USP34: variants seen among roughly 807,000 people sequenced by gnomAD.
USP34 encodes the protein ubiquitin specific peptidase 34, also known as ubiquitin carboxyl-terminal hydrolase 34.
In USP34, 70 loss-of-function variants were observed where a neutral mutation model predicts 460.3. That is an observed-to-expected ratio of 0.15 (90% CI 0.13 to 0.19). The LOEUF (loss-of-function observed/expected upper bound fraction) is 0.19. USP34 is among the 10% of genes least tolerant of loss of function. The pLI, the probability that USP34 is intolerant of heterozygous loss-of-function variation, is 1.00. For synonymous variants in USP34, 1,647 were observed against 1,405.3 expected, an observed-to-expected ratio of 1.17 and a Z score of -3.85; for missense variants, 3,985 against 4,236.2, an observed-to-expected ratio of 0.94 and a Z score of 1.65.
At chr2:61,201,356 T>C (rs1456324934) in intron 75 of USP34, among the ~76,000 whole-genome samples, 2 of 151,438 alleles carry the variant, frequency 1.3e-5, no homozygotes, top group African/African-American at 2.4e-5. Flanking sequence ...TAGCTGCAAC[T>C]ACAGGCACGT....
At chr2:61,258,482 T>TA (rs747101515) in intron 44 of USP34, among the ~76,000 whole-genome samples, 4 of 152,144 alleles carry the variant, frequency 2.6e-5, no homozygotes, top group South Asian at 2.1e-4. Flanking sequence ...GATGGTCTCT[T>TA]AGAGTTTGAA....
intron 1 of USP34, among the ~76,000 whole-genome samples, chr2:61,421,554 AATT>A (rs768661848): frequency 7.9e-5 from 12 of 152,150 alleles, no homozygotes; most frequent in Non-Finnish European, 7.4e-5. Context: ...CCACTAAACC[AATT>A]ATTATGTATG....
At chr2:61,409,244 C>T (rs1693969760) in intron 2 of USP34, among the ~76,000 whole-genome samples, 1 of 151,436 alleles carries the variant, frequency 6.6e-6, no homozygotes, top group South Asian at 2.1e-4. Context: ...TTAGAAAAAT[C>T]AGGTTCAAAG....
At chr2:61,276,264 T>G (rs892077485) in intron 41 of USP34, among the ~76,000 whole-genome samples, 4 of 152,184 alleles carry the variant, frequency 2.6e-5, no homozygotes, top group Admixed American at 2.6e-4. Context: ...AATCAACCTA[T>G]TTTACTTTTA....
intron 27 of USP34, among the ~76,000 whole-genome samples, chr2:61,302,067 A>G (rs1227457493): frequency 3.3e-5 from 5 of 152,214 alleles, no homozygotes; most frequent in East Asian, 1.9e-4. Context: ...TTATTCACAC[A>G]TGCATGCCAG....
chr2:61,337,041 T>C (rs940142631), intron 18 of USP34, among the ~76,000 whole-genome samples: 2 of 152,098 alleles, frequency 1.3e-5, no homozygotes, highest in Non-Finnish European at 2.9e-5. Context: ...ATAATAAACA[T>C]ACATACAAAA....
chr2:61,205,275 C>T (rs888421101), intron 72 of USP34, among the ~76,000 whole-genome samples: 1 of 152,130 alleles, frequency 6.6e-6, no homozygotes, highest in Non-Finnish European at 1.5e-5. Flanking sequence ...TAATGTTTTA[C>T]GATGCTGGCT....
At chr2:61,400,762 G>A (rs1432639726) in intron 3 of USP34, among the ~76,000 whole-genome samples, 1 of 152,016 alleles carries the variant, frequency 6.6e-6, no homozygotes, top group Non-Finnish European at 1.5e-5. Context: ...GAAGGTGAAG[G>A]GTTACTTGAG....
intron 34 of USP34, among the ~76,000 whole-genome samples, 199 bp from the exon 35 acceptor site, chr2:61,285,156 C>A (rs562939589): frequency 6.6e-6 from 1 of 151,936 alleles, no homozygotes; most frequent in Admixed American, 6.6e-5. Flanking sequence ...TGCCAAGAAT[C>A]GGAAAACCAG....
intron 2 of USP34, chr2:61,417,288 C>A: frequency 1.2e-6 from 1 of 823,002 alleles, no homozygotes; most frequent in East Asian, 2.5e-5. Context: ...AACAAACAGG[C>A]CGCATACACT....
chr2:61,454,388 T>C (rs1695371107), intron 1 of USP34, among the ~76,000 whole-genome samples: 1 of 152,294 alleles, frequency 6.6e-6, no homozygotes, highest in South Asian at 2.1e-4. Context: ...CCTCCCAAAG[T>C]GCTGGGATTA....
chr2:61,214,579 T>G lies in USP34; in HGVS notation c.8163A>C (p.Thr2721=). ...CGTTGTAGACCTGATGTAGGACTACTGTTGTGTCTGGACTGAGTGGAAGGT... is the reference window on the plus strand; with the variant it reads ...CGTTGTAGACCTGATGTAGGACTACGGTTGTGTCTGGACTGAGTGGAAGGT... ...TRDLPLSPDT[T]VVLHQVYNVL... is the part of the protein sequence containing the mutation. The change falls in exon 68 of 80, where the codon ACA becomes ACC. Residue 2721 remains threonine, a synonymous_variant. Coordinates refer to ENST00000398571, the MANE Select transcript of USP34 (RefSeq NM_014709.4). 6.2e-7 allele frequency: 1 copy of G among 1,613,920 alleles called. No homozygotes were observed. The highest frequency in any genetic ancestry group is 8.5e-7 in the Non-Finnish European group (1 of 1,179,918).
At position 61,272,786 on chromosome 2, in the gene USP34, CTAACT is replaced by C. The variant is rs569238416; in HGVS notation, c.5433+5374_5433+5378del. On this transcript the variant is annotated intron_variant, in intron 41 of 79. Transcript: ENST00000398571. ...TTTCAATAAAGAATGCTAAGAACAA[CTAACT>C]TAACATTATTCTGAATGTTTCAGAA... Among the ~76,000 whole-genome samples, 9 of 152,172 alleles carry C rather than the reference CTAACT, an allele frequency of 5.9e-5. No homozygotes were observed. The South Asian group carries it at 1.9e-3, about 31-fold the overall frequency.
intron 1 of USP34, among the ~76,000 whole-genome samples, chr2:61,454,161 G>C (rs1057425613): frequency 6.6e-6 from 1 of 152,116 alleles, no homozygotes; most frequent in African/African-American, 2.4e-5. Flanking sequence ...TTTCGAGAAG[G>C]AGTCTCCCTC....
At position 61,193,365 on chromosome 2, in the gene USP34, T is replaced by TAAAAAAAAAAAAAA. The variant is rs577314106; in HGVS notation, c.9509-399_9509-386dup. 253 of 97,208 alleles carry TAAAAAAAAAAAAAA rather than the reference T, an allele frequency of 2.6e-3. 10 individuals carry two copies. The highest frequency in any genetic ancestry group is 9.4e-3 in the African/African-American group (250 of 26,660). 6.0% of individuals were successfully genotyped at this position (97,208 alleles called of 1,614,324 possible). On this transcript the variant is annotated intron_variant, in intron 75 of 79. Transcript: ENST00000398571. ...ACTGCAGGAGGGAGGAGGGGAAAGGTAAAAAAAAAAAAAAAAAAAAAAAAG... is the reference window on the plus strand; with the variant it reads ...ACTGCAGGAGGGAGGAGGGGAAAGGTAAAAAAAAAAAAAAAAAAAAAAAAAAAAAAAAAAAAAAG...
chr2:61,232,584 A>G lies in USP34; in HGVS notation c.7033-52T>C, dbSNP rs371894256. Reference sequence around the variant, plus strand: ...TTAACATTCAACAAATATTTGTTACATGGGATAACAGTCACATAAGAATTT... The same window carrying G: ...TTAACATTCAACAAATATTTGTTACGTGGGATAACAGTCACATAAGAATTT... On this transcript the variant is annotated intron_variant, in intron 57 of 79. Transcript: ENST00000398571. 723 of 1,357,204 alleles carry G rather than the reference A, an allele frequency of 5.3e-4. 2 individuals carry two copies. The African/African-American group carries it at 9.4e-3, about 18-fold the overall frequency. The allele number at this position is 1,357,204 out of a possible 1,614,324, so 84.1% of individuals were successfully genotyped here.
In USP34 at chr2:61,349,292, G is replaced by GA. The variant is rs1164924032; in HGVS notation, c.1508-8dup. The GA allele has an allele frequency of 6.2e-7, 1 of 1,612,018 alleles. No individual in the cohort carries two copies. The highest frequency in any genetic ancestry group is 1.7e-5 in the Admixed American group (1 of 59,554). ...CTTCTAAGCTCTTCTTCCTCTGAAGGAAAAGGAAAAAACAGGAGAAAAACA... is the reference window on the plus strand; with the variant it reads ...CTTCTAAGCTCTTCTTCCTCTGAAGGAAAAAGGAAAAAACAGGAGAAAAACA... On this transcript the variant is annotated splice_polypyrimidine_tract_variant and splice_region_variant and intron_variant, in intron 12 of 79. Transcript: ENST00000398571.
At chr2:61,381,214 AAAATAAAT>A (rs371684636) in intron 6 of USP34, among the ~76,000 whole-genome samples, 8 of 147,094 alleles carry the variant, frequency 5.4e-5, no homozygotes, top group Admixed American at 1.3e-4. Context: ...AAAAAAAAAA[AAAATAAAT>A]AAATAAAAAA....
At chr2:61,459,699 C>T (rs1410234147) in intron 1 of USP34, among the ~76,000 whole-genome samples, 2 of 151,626 alleles carry the variant, frequency 1.3e-5, no homozygotes, top group Admixed American at 1.3e-4. Flanking sequence ...ATCGCTTGAA[C>T]CCGGGAGGCG....
Sources: allele counts gnomAD v4.1 joint callset (sites outside exome capture counted in the v4.1 genomes callset), GRCh38; gene constraint gnomAD v4.1.1; transcripts MANE v1.5; gene names NCBI Gene and HGNC (gene_info 2026-07-23, HGNC 2026-07-21).